Variants in FOXA1 observed in about 807,000 individuals in gnomAD.
FOXA1 encodes the protein hepatocyte nuclear factor 3-alpha.
FOXA1 carries 9 observed loss-of-function variants against 29.2 expected under a neutral mutation model. The ratio of observed to expected loss-of-function variants is 0.31; its 90% CI spans 0.19 to 0.54. FOXA1 has a LOEUF of 0.54. FOXA1 is among the 20% of genes least tolerant of loss of function. The probability of loss-of-function intolerance (pLI) is 0.95; values close to 1 mark genes in which losing one functional copy is unlikely to be tolerated. For missense variants in FOXA1, 644 were observed against 681.2 expected (o/e 0.95, Z 0.61); for synonymous variants, 340 against 300.9 (o/e 1.13, Z -1.34).
chr14:37,594,938 G>T lies in FOXA1; in HGVS notation c.35C>A (p.Thr12Asn). 2 of 1,578,554 alleles carry T rather than the reference G, an allele frequency of 1.3e-6. No homozygotes were observed. The highest frequency in any genetic ancestry group is 1.4e-5 in the African/African-American group (1 of 73,384). Reference protein sequence around the residue: ...LGTVKMEGHETSDWNSYYADT... With the variant: ...LGTVKMEGHENSDWNSYYADT... ...TGCGTAGTAGCTGTTCCAGTCGCTG[G>T]TTTCATGCCCTTCCATCTTCACAGT... is the stretch of plus-strand genomic sequence containing the variant. Residue 12 changes from threonine to asparagine, a missense_variant, in exon 1 of 2, where the codon ACC becomes AAC. Transcript: ENST00000250448.
Position 37,591,169 on chromosome 14 carries a change from A to G in FOXA1, c.*196T>C, listed in dbSNP as rs1001304639. Reference sequence around the variant, plus strand: ...GGTTGTCTTTGTAGTAATATACACAATGAATTTTGAATACAATAATAAAGT... The same window carrying G: ...GGTTGTCTTTGTAGTAATATACACAGTGAATTTTGAATACAATAATAAAGT... On this transcript the variant is annotated 3_prime_UTR_variant, in exon 2 of 2. Transcript: ENST00000250448. The G allele has an allele frequency of 1.4e-5, 11 of 760,744 alleles. 1 individual carries two copies. The highest frequency in any genetic ancestry group is 1.2e-4 in the South Asian group (7 of 56,002). The allele number at this position is 760,744 out of a possible 1,614,324, so 47.1% of individuals were successfully genotyped here. A position where few individuals can be genotyped will look rare whatever the true frequency, so the allele number is the denominator to read the frequency against.
chr14:37,593,896 G>T, intron 1 of FOXA1: 1 of 313,604 alleles, frequency 3.2e-6, no homozygotes, highest in Non-Finnish European at 5.4e-6. Flanking sequence ...TAATCAGCAA[G>T]TATGACTCAA....
Position 37,590,343 on chromosome 14 carries a change from T to G in FOXA1, c.*1022A>C, listed in dbSNP as rs557581544. 101 of 232,138 alleles carry G rather than the reference T, an allele frequency of 4.4e-4. No individual in the cohort carries two copies. The South Asian group carries it at 0.018, about 41-fold the overall frequency. 14.4% of individuals were successfully genotyped at this position (232,138 alleles called of 1,614,324 possible). On this transcript the variant is annotated 3_prime_UTR_variant, in exon 2 of 2. Coordinates refer to ENST00000250448, the MANE Select transcript of FOXA1 (RefSeq NM_004496.5). ...CCACTATCAATAGGATTTTTGAATC[T>G]TGGACCACGTTTTGAAATCCAGCTC...
chr14:37,592,462 G>C lies in FOXA1; in HGVS notation c.322C>G (p.Leu108Val). 6.2e-7 allele frequency: 1 copy of C among 1,605,550 alleles called. No individual in the cohort carries two copies. The highest frequency in any genetic ancestry group is 1.1e-5 in the South Asian group (1 of 90,918). The stretch of plus-strand genomic sequence containing the variant: ...ATGGCGCCCATGCCGCTCGGGCTCA[G>C]CGCCGTACCCATGGCCGTCACGCCG... ...AAGVTAMGTA[L>V]SPSGMGAMGA... is the part of the protein sequence containing the mutation. Residue 108 changes from leucine to valine, a missense_variant, in exon 2 of 2, where the codon CTG becomes GTG. Physicochemically the swap from Leu to Val is conservative, Grantham distance 32 (BLOSUM62 1). Coordinates refer to ENST00000250448, the MANE Select transcript of FOXA1 (RefSeq NM_004496.5).
rs2139180791 is a variant in FOXA1, at chr14:37,591,791, G to A, written c.993C>T (p.Ser331=). Residue 331 remains serine (S), a synonymous_variant, in exon 2 of 2, where the codon AGC becomes AGT. Coordinates refer to ENST00000250448, the MANE Select transcript of FOXA1 (RefSeq NM_004496.5). ...CCCCACTGTGGTCCAGAGTCTGGGGGCTGGCGGCGGGCCCGGGGGCCGGCG... is the reference window on the plus strand; with the variant it reads ...CCCCACTGTGGTCCAGAGTCTGGGGACTGGCGGCGGGCCCGGGGGCCGGCG... The part of the protein sequence containing the change: ...EGAPAPGPAA[S]PQTLDHSGAT... The A allele has an allele frequency of 2.0e-6, 3 of 1,470,336 alleles. No homozygotes were observed. The highest frequency in any genetic ancestry group is 2.7e-6 in the Non-Finnish European group (3 of 1,114,402). 91.1% of individuals were successfully genotyped at this position (1,470,336 alleles called of 1,614,324 possible).
rs2095597279 is a variant in FOXA1 at position 37,592,695 on chromosome 14, G to A, written c.89C>T (p.Pro30Leu). ...CAGGCCTGAGTTCATGTTGCTGACC[G>A]GGACGGAGGAGTAGGCCTGGAGTGG... ...ADTQEAYSSVPVSNMNSGLGS... is the reference protein window; with the variant it reads ...ADTQEAYSSVLVSNMNSGLGS... The change falls in exon 2 of 2, where the codon CCG (proline) becomes CTG (leucine). Residue 30 changes from proline (P) to leucine (L), a missense_variant. Pro to Leu is a moderately conservative substitution (Grantham distance 98). Transcript: ENST00000250448. 2 of 1,613,136 alleles carry A rather than the reference G, an allele frequency of 1.2e-6. No homozygotes were observed. The highest frequency in any genetic ancestry group is 1.1e-5 in the South Asian group (1 of 91,084).
At chr14:37,594,851 A>G in intron 1 of FOXA1, 50 bp downstream of exon 1, 1 of 1,435,590 alleles carries the variant, frequency 7.0e-7, no homozygotes. Context: ...CTCCCCCGGC[A>G]CGGGCTCCAG....
chr14:37,594,257 A>G lies in FOXA1; in HGVS notation c.72+644T>C. 1.0e-5 allele frequency: 13 copies of G among 1,263,350 alleles called. No individual in the cohort carries two copies. The South Asian group carries it at 1.7e-4, about 17-fold the overall frequency. 78.3% of individuals were successfully genotyped at this position (1,263,350 alleles called of 1,614,324 possible). On this transcript the variant is annotated intron_variant, in intron 1 of 1. Coordinates refer to ENST00000250448, the MANE Select transcript of FOXA1 (RefSeq NM_004496.5). Reference sequence around the variant, plus strand: ...CCTGTAATCCTTTTGTGCACATTGTAAAAATAACCCCCATGAACGTGCCAC... The same window carrying G: ...CCTGTAATCCTTTTGTGCACATTGTGAAAATAACCCCCATGAACGTGCCAC...
chr14:37,591,937 C>T lies in FOXA1; in HGVS notation c.847G>A (p.Gly283Arg), dbSNP rs1384603993. 6.7e-7 allele frequency: 1 copy of T among 1,502,442 alleles called. No homozygotes were observed. Among genetic ancestry groups the T allele is most frequent in the Admixed American group, 2.2e-5 (1 of 44,452 alleles). The allele number at this position is 1,502,442 out of a possible 1,614,324, so 93.1% of individuals were successfully genotyped here. The stretch of plus-strand genomic sequence containing the variant: ...GGGCCGCCCTTGGCGCCGCTGCCCC[C>T]GCTTCCGCTCCCGCCCCCGCCGCCG... ...GAGGGGGSGS[G>R]GSGAKGGPES... The change falls in exon 2 of 2, where the codon GGG (glycine) becomes AGG (arginine). Residue 283 changes from glycine to arginine, a missense_variant. Around this residue, in one of 5 missense-constraint regions of FOXA1, gnomAD observed 295 missense variants for 294.4 expected, o/e 1.00. Coordinates refer to ENST00000250448, the MANE Select transcript of FOXA1 (RefSeq NM_004496.5).
Position 37,591,464 on chromosome 14 carries a change from G to A in FOXA1, c.1320C>T (p.Gly440=), listed in dbSNP as rs752035534. The change falls in exon 2 of 2, where the codon GGC becomes GGT. Residue 440 remains glycine (G), a synonymous_variant. Coordinates refer to ENST00000250448, the MANE Select transcript of FOXA1 (RefSeq NM_004496.5). The part of the protein sequence containing the change: ...GSTLPASLPL[G]SASVTTRSPI... ...GGCTCCTGGTGGTCACCGAGGCGCT[G>A]CCTAGAGGCAGGCTGGCGGGCAACG... 2.5e-6 allele frequency: 4 copies of A among 1,614,240 alleles called. No homozygotes were observed. In the South Asian group the frequency reaches 3.3e-5, roughly 13 times the overall value.
Position 37,591,435 on chromosome 14 carries a change from A to T in FOXA1, c.1349T>A (p.Ile450Asn). ...CGCCGGCTCCAGGGCTGAGGGCTCG[A>T]TGGGGCTCCTGGTGGTCACCGAGGC... Reference protein sequence around the residue: ...GSASVTTRSPIEPSALEPAYY... With the variant: ...GSASVTTRSPNEPSALEPAYY... Residue 450 changes from isoleucine (I) to asparagine (N), a missense_variant, in exon 2 of 2, where the codon ATC becomes AAC. Ile to Asn is a moderately radical substitution (Grantham distance 149). This residue lies in a region of FOXA1 where 295 missense variants were observed against 294.4 expected (regional missense o/e 1.00). Coordinates refer to ENST00000250448, the MANE Select transcript of FOXA1 (RefSeq NM_004496.5). 1.9e-6 allele frequency: 3 copies of T among 1,614,108 alleles called. No individual in the cohort carries two copies. Among genetic ancestry groups the T allele is most frequent in the African/African-American group, 1.3e-5 (1 of 75,038 alleles).
Position 37,595,205 on chromosome 14 carries a change from G to A in FOXA1, c.-233C>T, listed in dbSNP as rs1186341625. The A allele has an allele frequency of 4.8e-6, 1 of 207,088 alleles. No individual in the cohort carries two copies. Among genetic ancestry groups the A allele is most frequent in the Non-Finnish European group, 9.5e-6 (1 of 104,870 alleles). 12.8% of individuals were successfully genotyped at this position (207,088 alleles called of 1,614,324 possible). On this transcript the variant is annotated 5_prime_UTR_variant, in exon 1 of 2. Coordinates refer to ENST00000250448, the MANE Select transcript of FOXA1 (RefSeq NM_004496.5). ...CGGGGGCAGGCGGCTGCCGCGGAGC[G>A]CGGCGCCGGGGAGCGCCTCCGCGGG...
rs2095597094 is a variant in FOXA1, at chr14:37,592,567, G to A, written c.217C>T (p.Leu73=). The part of the protein sequence containing the change: ...SFNMSYANPG[L]GAGLSPGAVA... Reference sequence around the variant, plus strand: ...GCGCCGGGACTCAGGCCGGCCCCTAGGCCCGGGTTGGCATAGGACATGTTG... The same window carrying A: ...GCGCCGGGACTCAGGCCGGCCCCTAAGCCCGGGTTGGCATAGGACATGTTG... The change falls in exon 2 of 2, where the codon CTA becomes TTA. Residue 73 remains leucine (L), a synonymous_variant. Coordinates refer to ENST00000250448, the MANE Select transcript of FOXA1 (RefSeq NM_004496.5). The A allele has an allele frequency of 6.2e-7, 1 of 1,614,124 alleles. No individual in the cohort carries two copies. The highest frequency in any genetic ancestry group is 8.5e-7 in the Non-Finnish European group (1 of 1,179,986).
chr14:37,591,953 C>T lies in FOXA1; in HGVS notation c.831G>A (p.Gly277=), dbSNP rs2139181447. The T allele has an allele frequency of 6.6e-7, 1 of 1,525,222 alleles. No homozygotes were observed. The highest frequency in any genetic ancestry group is 8.8e-7 in the Non-Finnish European group (1 of 1,139,568). 94.5% of individuals were successfully genotyped at this position (1,525,222 alleles called of 1,614,324 possible). The part of the protein sequence containing the change: ...KCEKQPGAGG[G]GGSGSGGSGA... ...CGCTGCCCCCGCTTCCGCTCCCGCC[C>T]CCGCCGCCGGCCCCCGGCTGCTTCT... The change falls in exon 2 of 2, where the codon GGG becomes GGA. Residue 277 remains glycine (G), a synonymous_variant. Coordinates refer to ENST00000250448, the MANE Select transcript of FOXA1 (RefSeq NM_004496.5).
In FOXA1 at chr14:37,592,490, C is replaced by A; in HGVS notation, c.294G>T (p.Ala98=). 1 of 1,609,744 alleles carries A rather than the reference C, an allele frequency of 6.2e-7. No homozygotes were observed. The highest frequency in any genetic ancestry group is 8.5e-7 in the Non-Finnish European group (1 of 1,179,228). ...GSAGAMNSMT[A]AGVTAMGTAL... ...CCGTACCCATGGCCGTCACGCCGGC[C>A]GCAGTCATGCTGTTCATGGCGCCCG... The change falls in exon 2 of 2, where the codon GCG becomes GCT. Residue 98 remains alanine, a synonymous_variant. Coordinates refer to ENST00000250448, the MANE Select transcript of FOXA1 (RefSeq NM_004496.5).
At position 37,591,961 on chromosome 14, in the gene FOXA1, C is replaced by A. The variant is rs2095596203; in HGVS notation, c.823G>T (p.Gly275Cys). The A allele has an allele frequency of 6.5e-7, 1 of 1,537,364 alleles. No individual in the cohort carries two copies. Among genetic ancestry groups the A allele is most frequent in the South Asian group, 1.3e-5 (1 of 79,254 alleles). ...RFKCEKQPGAGGGGGSGSGGS... is the reference protein window; with the variant it reads ...RFKCEKQPGACGGGGSGSGGS... ...CCGCTTCCGCTCCCGCCCCCGCCGCCGGCCCCCGGCTGCTTCTCGCACTTG... is the reference window on the plus strand; with the variant it reads ...CCGCTTCCGCTCCCGCCCCCGCCGCAGGCCCCCGGCTGCTTCTCGCACTTG... Residue 275 changes from glycine to cysteine, a missense_variant, in exon 2 of 2, where the codon GGC (glycine) becomes TGC (cysteine). Coordinates refer to ENST00000250448, the MANE Select transcript of FOXA1 (RefSeq NM_004496.5).
At chr14:37,593,377 T>G (rs1161446894) in intron 1 of FOXA1, among the ~76,000 whole-genome samples, 3 of 152,248 alleles carry the variant, frequency 2.0e-5, no homozygotes, top group Non-Finnish European at 2.9e-5. Flanking sequence ...CATTTTATTT[T>G]AACATGACTT....
chr14:37,593,253 T>C (rs1024783414), intron 1 of FOXA1, among the ~76,000 whole-genome samples: 1 of 152,212 alleles, frequency 6.6e-6, no homozygotes, highest in Non-Finnish European at 1.5e-5. Flanking sequence ...AACTGTAATG[T>C]TAAAAGGGAA....
chr14:37,592,575 T>C lies in FOXA1; in HGVS notation c.209A>G (p.Asn70Ser). 1.2e-6 allele frequency: 2 copies of C among 1,613,950 alleles called. No individual in the cohort carries two copies. Among genetic ancestry groups the C allele is most frequent in the South Asian group, 2.2e-5 (2 of 91,066 alleles). ...ACTCAGGCCGGCCCCTAGGCCCGGGTTGGCATAGGACATGTTGAAGGACGC... is the reference window on the plus strand; with the variant it reads ...ACTCAGGCCGGCCCCTAGGCCCGGGCTGGCATAGGACATGTTGAAGGACGC... The part of the protein sequence containing the change: ...TPASFNMSYA[N>S]PGLGAGLSPG... The change falls in exon 2 of 2, where the codon AAC becomes AGC. Residue 70 changes from asparagine (N) to serine (S), a missense_variant. By Grantham distance (46) the Asn-to-Ser change is conservative. Coordinates refer to ENST00000250448, the MANE Select transcript of FOXA1 (RefSeq NM_004496.5).
Sources: gnomAD v4.1 joint callset for allele counts (sites outside exome capture counted in the v4.1 genomes callset) on GRCh38, gnomAD v4.1.1 for gene constraint, gnomAD v4.1.1 regional missense constraint, MANE v1.5 for transcripts, NCBI Gene and HGNC (gene_info 2026-07-23, HGNC 2026-07-21) for gene names.